Variants in ASTN1 observed in about 807,000 individuals in gnomAD.
The protein encoded by ASTN1 is astrotactin-1.
In ASTN1, 41 loss-of-function variants were observed where a neutral mutation model predicts 140.7. That is an observed-to-expected ratio of 0.29 (90% CI 0.23 to 0.38). The LOEUF (loss-of-function observed/expected upper bound fraction) is 0.38. ASTN1 is among the 10% of genes least tolerant of loss of function. ASTN1 has a pLI of 1.00. For synonymous variants in ASTN1, 640 were observed against 652.2 expected, an observed-to-expected ratio of 0.98 and a Z score of 0.29; for missense variants, 1,479 against 1,678.8, an observed-to-expected ratio of 0.88 and a Z score of 2.08.
intron 1 of ASTN1, among the ~76,000 whole-genome samples, chr1:177,145,691 T>A (rs866669833): frequency 6.6e-6 from 1 of 152,212 alleles, no homozygotes; most frequent in East Asian, 1.9e-4. Context: ...AGTCAGTCAG[T>A]CTGTCTGTTC....
intron 1 of ASTN1, among the ~76,000 whole-genome samples, chr1:177,111,054 TC>T (rs1428224889): frequency 6.6e-6 from 1 of 152,198 alleles, no homozygotes; most frequent in Non-Finnish European, 1.5e-5. Flanking sequence ...AAAGCTAGCC[TC>T]TTGGGGACAG....
chr1:177,056,064 C>T (rs972119404), intron 2 of ASTN1, among the ~76,000 whole-genome samples: 1 of 152,178 alleles, frequency 6.6e-6, no homozygotes, highest in African/African-American at 2.4e-5. Flanking sequence ...ACATGCGATG[C>T]TCAGGCAACT....
rs761688003 is a variant in ASTN1 at position 176,958,358 on chromosome 1, C to A, written c.1723G>T (p.Ala575Ser). 8 of 1,613,920 alleles carry A rather than the reference C, an allele frequency of 5.0e-6. No homozygotes were observed. The Middle Eastern group carries it at 1.2e-3, about 232-fold the overall frequency. The part of the protein sequence containing the change: ...CKTDMTVMED[A>S]VEVREELMTS... ...AGCCAGACTCACCTGACCTCCACAG[C>A]ATCCTCCATCACAGTCATGTCCGTC... Residue 575 changes from alanine (A) to serine (S), a missense_variant, in exon 10 of 23, where the codon GCT becomes TCT. This residue lies in a region of ASTN1 where 729 missense variants were observed against 860.4 expected (regional missense o/e 0.85). Coordinates refer to ENST00000361833, the MANE Select transcript of ASTN1 (RefSeq NM_004319.3).
chr1:176,984,471 G>A (rs1673791277), intron 8 of ASTN1, among the ~76,000 whole-genome samples: 1 of 152,130 alleles, frequency 6.6e-6, no homozygotes, highest in African/African-American at 2.4e-5. Context: ...GGACCCTTTT[G>A]CTTGTGGAAA....
intron 14 of ASTN1, among the ~76,000 whole-genome samples, chr1:176,938,714 C>A (rs372024896): frequency 1.4e-4 from 21 of 152,314 alleles, no homozygotes; most frequent in Middle Eastern, 3.4e-3. Flanking sequence ...TTAGGGAGGC[C>A]ACTCATTTAC....
intron 1 of ASTN1, among the ~76,000 whole-genome samples, chr1:177,107,141 C>T (rs893751062): frequency 1.3e-5 from 2 of 152,082 alleles, no homozygotes; most frequent in Non-Finnish European, 2.9e-5. Context: ...CACATGGGAG[C>T]ATGTTAGAAA....
chr1:176,955,441 T>C (rs910388217), intron 11 of ASTN1, among the ~76,000 whole-genome samples: 1 of 152,150 alleles, frequency 6.6e-6, no homozygotes, highest in African/African-American at 2.4e-5. Context: ...AAGCCTATGC[T>C]TCACCAGCCA....
intron 1 of ASTN1, among the ~76,000 whole-genome samples, chr1:177,146,254 T>G (rs1682716436): frequency 6.6e-6 from 1 of 152,178 alleles, no homozygotes; most frequent in Admixed American, 6.5e-5. Context: ...TTATTTTGGA[T>G]GAAATCGATG....
chr1:177,031,662 A>G (rs559840410), intron 3 of ASTN1, among the ~76,000 whole-genome samples: 29 of 152,336 alleles, frequency 1.9e-4, no homozygotes, highest in Non-Finnish European at 3.1e-4. Flanking sequence ...CTGAAAGTCT[A>G]TATATAGTAA....
At chr1:177,016,001 C>T (rs527338098) in intron 7 of ASTN1, among the ~76,000 whole-genome samples, 1 of 152,080 alleles carries the variant, frequency 6.6e-6, no homozygotes, top group African/African-American at 2.4e-5. Context: ...GATGGGCATA[C>T]CATTTCTTTA....
rs767835846 is a variant in ASTN1 at position 176,861,917 on chromosome 1, C to G, written c.*2367G>C. Reference sequence around the variant, plus strand: ...AAGGAGAGGGTACAGAGGAGTGACTCTGATACCTGCTTCACCCTCTCCCTG... The same window carrying G: ...AAGGAGAGGGTACAGAGGAGTGACTGTGATACCTGCTTCACCCTCTCCCTG... On this transcript the variant is annotated 3_prime_UTR_variant, in exon 23 of 23. Coordinates refer to ENST00000361833, the MANE Select transcript of ASTN1 (RefSeq NM_004319.3). 1.8e-5 allele frequency: 18 copies of G among 985,402 alleles called. No individual in the cohort carries two copies. Among genetic ancestry groups the G allele is most frequent in the Non-Finnish European group, 2.2e-5 (18 of 829,958 alleles). The allele number at this position is 985,402 out of a possible 1,614,324, so 61.0% of individuals were successfully genotyped here.
intron 16 of ASTN1, among the ~76,000 whole-genome samples, chr1:176,903,568 T>C (rs763105387): frequency 2.0e-5 from 3 of 152,202 alleles, no homozygotes; most frequent in Non-Finnish European, 1.5e-5. Flanking sequence ...ATCTTATACC[T>C]ACATTTTGAA....
intron 1 of ASTN1, among the ~76,000 whole-genome samples, chr1:177,106,884 A>G (rs1435519158): frequency 6.6e-6 from 1 of 152,202 alleles, no homozygotes; most frequent in Non-Finnish European, 1.5e-5. Context: ...GAGCAGCAGG[A>G]AATCATATAC....
At chr1:177,088,969 C>T (rs941602037) in intron 1 of ASTN1, among the ~76,000 whole-genome samples, 4 of 152,058 alleles carry the variant, frequency 2.6e-5, no homozygotes, top group Non-Finnish European at 4.4e-5. Context: ...TCACCTGGCT[C>T]GGGGGCAGGG....
At chr1:176,914,391 CA>C (rs1670390088) in intron 16 of ASTN1, among the ~76,000 whole-genome samples, 1 of 152,136 alleles carries the variant, frequency 6.6e-6, no homozygotes. Context: ...TAGTTAGAAA[CA>C]GTGTAAATTA....
chr1:177,062,204 T>A (rs570594365), intron 1 of ASTN1, among the ~76,000 whole-genome samples: 2 of 152,260 alleles, frequency 1.3e-5, no homozygotes, highest in Admixed American at 1.3e-4. Context: ...CTGCTGAACA[T>A]GTGTTTAGTA....
chr1:177,085,576 C>A (rs1326440705), intron 1 of ASTN1, among the ~76,000 whole-genome samples: 1 of 152,132 alleles, frequency 6.6e-6, no homozygotes, highest in Non-Finnish European at 1.5e-5. Flanking sequence ...GGCCATATGA[C>A]CCTGGGCAGG....
At chr1:177,117,048 G>A (rs1347632580) in intron 1 of ASTN1, among the ~76,000 whole-genome samples, 2 of 152,020 alleles carry the variant, frequency 1.3e-5, no homozygotes, top group Non-Finnish European at 2.9e-5. Context: ...AGGTGTCTAC[G>A]TGCATTTTTC....
intron 1 of ASTN1, among the ~76,000 whole-genome samples, chr1:177,145,315 G>A (rs1000098517): frequency 7.2e-5 from 11 of 152,160 alleles, no homozygotes; most frequent in Admixed American, 5.9e-4. Flanking sequence ...AAATGTCAGA[G>A]TGTCTCAATT....
Sources: allele counts gnomAD v4.1 joint callset (sites outside exome capture counted in the v4.1 genomes callset), GRCh38; gene constraint gnomAD v4.1.1; regional missense constraint gnomAD v4.1.1; transcripts MANE v1.5; gene names NCBI Gene and HGNC (gene_info 2026-07-23, HGNC 2026-07-21).